GGTA1: variants seen among roughly 807,000 people sequenced by gnomAD.
The protein encoded by GGTA1 is inactive N-acetyllactosaminide alpha-1,3-galactosyltransferase.
GGTA1 carries 5 observed loss-of-function variants against 2.6 expected under a neutral mutation model. The ratio of observed to expected loss-of-function variants is 1.92; its 90% CI spans 1.00 to 4.04. The LOEUF is 4.04. Ranked by LOEUF, GGTA1 falls within the 30% of genes most tolerant of loss-of-function variation. The pLI is 0.00. For synonymous variants in GGTA1, 17 were observed against 5.0 expected (o/e 3.38, Z -3.19); for missense variants, 50 against 16.7 (o/e 2.99, Z -3.47).
intron 1 of GGTA1, among the ~76,000 whole-genome samples, chr9:121,485,953 C>T (rs1194653439): frequency 1.3e-5 from 2 of 152,178 alleles, no homozygotes; most frequent in Non-Finnish European, 2.9e-5. Context: ...CCACCAAAAA[C>T]CCATTTGTGA....
At chr9:121,469,897 C>T (rs1828352008) in intron 1 of GGTA1, among the ~76,000 whole-genome samples, 1 of 152,160 alleles carries the variant, frequency 6.6e-6, no homozygotes. Context: ...AGCCTAAAGC[C>T]CTCTGAAATT....
rs554467389 is a variant in GGTA1, at chr9:121,491,034, A to G, written c.-10+8616T>C. Among the ~76,000 whole-genome samples the G allele has an allele frequency of 4.6e-5, 7 of 152,314 alleles. No individual in the cohort carries two copies. The South Asian group carries it at 1.4e-3, about 32-fold the overall frequency. ...GCATGGCTCTGGTGAATATAGGCAG[A>G]CAGAGTTTGCTACATCAAACACCAA... On this transcript the variant is annotated intron_variant, in intron 1 of 5. Coordinates refer to ENST00000481799, the MANE Select transcript of GGTA1 (RefSeq NM_001382585.1).
chr9:121,475,064 C>T (rs1016731345), intron 1 of GGTA1, among the ~76,000 whole-genome samples: 5 of 152,148 alleles, frequency 3.3e-5, no homozygotes, highest in Admixed American at 3.3e-4. Context: ...GGGCTGCATT[C>T]CCAGATGGTT....
At chr9:121,448,189 A>G (rs1319712747) in intron 7 of GGTA1, among the ~76,000 whole-genome samples, 1 of 152,108 alleles carries the variant, frequency 6.6e-6, no homozygotes. Context: ...TGTCCAATTT[A>G]CCAATTGGTT....
intron 2 of GGTA1, among the ~76,000 whole-genome samples, chr9:121,464,323 G>GT (rs1266450260): frequency 1.5e-5 from 1 of 66,994 alleles, no homozygotes; most frequent in Non-Finnish European, 2.9e-5. Context: ...GCCTCCTTGA[G>GT]GTTTTTTTTT....
intron 1 of GGTA1, among the ~76,000 whole-genome samples, chr9:121,472,577 A>G (rs1198854886): frequency 1.3e-5 from 2 of 152,236 alleles, no homozygotes. Flanking sequence ...GTGCAAATAA[A>G]TGCAAATGAA....
At chr9:121,449,625 A>G (rs2064868382) in intron 7 of GGTA1, among the ~76,000 whole-genome samples, 2 of 152,174 alleles carry the variant, frequency 1.3e-5, no homozygotes, top group East Asian at 3.8e-4. Context: ...GTGGATCACA[A>G]GGTCAGGAGT....
downstream of GGTA1, among the ~76,000 whole-genome samples, chr9:121,451,332 T>C (rs2064877109): frequency 1.3e-5 from 2 of 152,142 alleles, no homozygotes; most frequent in South Asian, 4.1e-4. Context: ...ACTACAGGCA[T>C]GTGCCACCAC....
rs151078031 is a variant in GGTA1 at position 121,456,581 on chromosome 9, C to A, written c.299-740G>T. Among the ~76,000 whole-genome samples the A allele has an allele frequency of 3.5e-3, 530 of 152,126 alleles. 3 individuals are homozygous for A. Among genetic ancestry groups the A allele is most frequent in the Middle Eastern group, 0.02 (6 of 294 alleles). On this transcript the variant is annotated intron_variant, in intron 5 of 5. Transcript: ENST00000481799. ...TACAGGCATGGGTCACCACACCTGG[C>A]TAATTTTGTATTTTTAGTAAAGACT... is the stretch of plus-strand genomic sequence containing the variant.
chr9:121,498,753 T>C (rs2118794164), intron 1 of GGTA1, among the ~76,000 whole-genome samples: 1 of 152,294 alleles, frequency 6.6e-6, no homozygotes, highest in Admixed American at 6.5e-5. Context: ...TCTCGGTTCC[T>C]TCCTGCCGGA....
chr9:121,480,627 G>T (rs1390397976), intron 1 of GGTA1, among the ~76,000 whole-genome samples: 2 of 152,140 alleles, frequency 1.3e-5, no homozygotes, highest in Non-Finnish European at 2.9e-5. Flanking sequence ...GCCTAATCCA[G>T]CCTCTTCCTC....
chr9:121,475,051 A>G (rs1406141344), intron 1 of GGTA1, among the ~76,000 whole-genome samples: 1 of 152,316 alleles, frequency 6.6e-6, no homozygotes, highest in East Asian at 1.9e-4. Context: ...GCTGAGACCC[A>G]CTGGGCTGCA....
At chr9:121,484,573 G>A (rs1256334358) in intron 1 of GGTA1, among the ~76,000 whole-genome samples, 1 of 152,130 alleles carries the variant, frequency 6.6e-6, no homozygotes, top group Non-Finnish European at 1.5e-5. Flanking sequence ...TCCCGCCGCT[G>A]TCTACATTTT....
At chr9:121,481,727 T>C (rs1237002045) in intron 1 of GGTA1, among the ~76,000 whole-genome samples, 7 of 143,430 alleles carry the variant, frequency 4.9e-5, no homozygotes, top group Admixed American at 7.1e-5. Flanking sequence ...CCAGGCACGG[T>C]GGCTCACACT....
chr9:121,446,998 A>T (rs929866244), exon 8 of GGTA1: 8 of 152,362 alleles, frequency 5.3e-5, no homozygotes, highest in African/African-American at 1.9e-4. Context: ...TGATAATCCC[A>T]GCAGTATTTT....
At position 121,476,079 on chromosome 9, in the gene GGTA1, A is replaced by C. The variant is rs1828503482; in HGVS notation, c.-9-8148T>G. On this transcript the variant is annotated intron_variant, in intron 1 of 5. Coordinates refer to ENST00000481799, the MANE Select transcript of GGTA1 (RefSeq NM_001382585.1). This position sits in a 1 kb window ranked among gnomAD's most constrained non-coding sequence, Gnocchi z 4.6. ...CCCCCACACAGTACCTATAATAATG[A>C]TGATGCTTTTTAATGGGAGAAATTC... 6.6e-6 allele frequency among the ~76,000 whole-genome samples: 1 copy of C among 152,138 alleles called. No individual in the cohort carries two copies. The highest frequency in any genetic ancestry group is 6.5e-5 in the Admixed American group (1 of 15,278).
chr9:121,445,537 G>A (rs953055278), exon 8 of GGTA1: 6 of 152,002 alleles, frequency 3.9e-5, no homozygotes, highest in East Asian at 1.9e-4. Context: ...ATAAATATAC[G>A]TGCATAGGTA....
intron 1 of GGTA1, among the ~76,000 whole-genome samples, chr9:121,483,629 G>T (rs1828699103): frequency 6.6e-6 from 1 of 152,146 alleles, no homozygotes; most frequent in Admixed American, 6.5e-5. Flanking sequence ...CATCATTACA[G>T]CCCGAACAGC....
At chr9:121,481,205 T>C (rs1470597937) in intron 1 of GGTA1, among the ~76,000 whole-genome samples, 1 of 147,456 alleles carries the variant, frequency 6.8e-6, no homozygotes, top group East Asian at 2.0e-4. Context: ...CTAGATGCTC[T>C]CCCAAGGCGT....
Sources: allele counts gnomAD v4.1 joint callset (sites outside exome capture counted in the v4.1 genomes callset), GRCh38; gene constraint gnomAD v4.1.1; non-coding constraint Gnocchi (gnomAD v3.1); transcripts MANE v1.5; gene names NCBI Gene and HGNC (gene_info 2026-07-23, HGNC 2026-07-21).